Variants in TRABD2B observed in about 807,000 individuals in gnomAD.
TRABD2B encodes TraB domain containing 2B.
TRABD2B carries 14 observed loss-of-function variants against 40.1 expected under a neutral mutation model. The observed-to-expected ratio is 0.35, with a 90% CI of 0.23 to 0.55. TRABD2B has a LOEUF of 0.55. TRABD2B is among the 20% of genes least tolerant of loss of function. The pLI is 0.90. For missense variants in TRABD2B, 541 were observed against 648.6 expected (o/e 0.83, Z 1.80); for synonymous variants, 263 against 277.0 (o/e 0.95, Z 0.50).
intron 6 of TRABD2B, among the ~76,000 whole-genome samples, chr1:47,768,341 G>A (rs1224041347): frequency 1.3e-5 from 2 of 151,964 alleles, no homozygotes; most frequent in African/African-American, 4.8e-5. Flanking sequence ...GGGGGGGGAG[G>A]GCCAGGTGGC....
chr1:47,950,795 C>A (rs773941445), intron 2 of TRABD2B, among the ~76,000 whole-genome samples: 3 of 152,210 alleles, frequency 2.0e-5, no homozygotes, highest in African/African-American at 7.2e-5. Context: ...CAACACCTCC[C>A]TATGTGAACT....
intron 2 of TRABD2B, among the ~76,000 whole-genome samples, chr1:47,928,019 G>A (rs917264011): frequency 9.2e-5 from 14 of 152,274 alleles, no homozygotes; most frequent in Admixed American, 5.2e-4. Context: ...CCCTACACTA[G>A]AACTTCTGAA....
chr1:47,989,082 A>G (rs1645963235), intron 2 of TRABD2B, among the ~76,000 whole-genome samples: 1 of 152,188 alleles, frequency 6.6e-6, no homozygotes, highest in Non-Finnish European at 1.5e-5. Flanking sequence ...ATGTAAATAC[A>G]CAGAAGGCAT....
Position 47,903,424 on chromosome 1 carries a change from G to C in TRABD2B, c.666+90610C>G, listed in dbSNP as rs1034272299. On this transcript the variant is annotated intron_variant, in intron 2 of 6. Coordinates refer to ENST00000606738, the MANE Select transcript of TRABD2B (RefSeq NM_001194986.2). Reference sequence around the variant, plus strand: ...TGTGAAGATCTCGCTGTGACATAGTGCATAAGAAAAACGGTTGGGAATCAT... The same window carrying C: ...TGTGAAGATCTCGCTGTGACATAGTCCATAAGAAAAACGGTTGGGAATCAT... 2.8e-5 allele frequency among the ~76,000 whole-genome samples: 4 copies of C among 143,972 alleles called. 1 individual carries two copies. Among genetic ancestry groups the C allele is most frequent in the African/African-American group, 1.0e-4 (4 of 38,682 alleles). The allele number at this position is 143,972 out of a possible 152,430, so 94.5% of individuals were successfully genotyped here. A position where few individuals can be genotyped will look rare whatever the true frequency, so the allele number is the denominator to read the frequency against.
chr1:47,867,616 G>A (rs192925043), intron 2 of TRABD2B, among the ~76,000 whole-genome samples: 87 of 152,270 alleles, frequency 5.7e-4, no homozygotes, highest in African/African-American at 2.0e-3. Flanking sequence ...CAGCTCCAGA[G>A]TAACTTTCTT....
chr1:47,808,736 A>C (rs1644924291), intron 2 of TRABD2B, among the ~76,000 whole-genome samples: 4 of 152,210 alleles, frequency 2.6e-5, no homozygotes. Context: ...CTAACGAGTT[A>C]GGATTCAAAC....
At chr1:47,766,716 G>A (rs1024219552) in intron 6 of TRABD2B, among the ~76,000 whole-genome samples, 1 of 152,214 alleles carries the variant, frequency 6.6e-6, no homozygotes, top group Non-Finnish European at 1.5e-5. Context: ...CTGGCGGGGA[G>A]GCTACCTGGT....
At position 47,860,781 on chromosome 1, in the gene TRABD2B, G is replaced by A. The variant is rs1643955654; in HGVS notation, c.667-59162C>T. ...TAATGAGTTCTTGCTCTCATGGGTT[G>A]TTATAATGCAAGGTTCCTCCTCCCA... On this transcript the variant is annotated intron_variant, in intron 2 of 6. Coordinates refer to ENST00000606738, the MANE Select transcript of TRABD2B (RefSeq NM_001194986.2). Among the ~76,000 whole-genome samples the A allele has an allele frequency of 1.3e-5, 2 of 152,144 alleles. 1 individual carries two copies. Among genetic ancestry groups the A allele is most frequent in the South Asian group, 4.1e-4 (2 of 4,828 alleles).
chr1:47,837,328 C>T (rs558485962), intron 2 of TRABD2B, among the ~76,000 whole-genome samples: 4 of 152,208 alleles, frequency 2.6e-5, no homozygotes, highest in South Asian at 2.1e-4. Context: ...TTGTTAAGAA[C>T]GGGTTCTTGG....
chr1:47,810,470 T>C (rs1224055793), intron 2 of TRABD2B, among the ~76,000 whole-genome samples: 1 of 152,046 alleles, frequency 6.6e-6, no homozygotes, highest in Non-Finnish European at 1.5e-5. Flanking sequence ...GCCACGTGGG[T>C]ATCTGAGAGA....
rs189316995 is a variant in TRABD2B, at chr1:47,874,951, C to T, written c.667-73332G>A. Reference sequence around the variant, plus strand: ...AGAAGTGGTTATTCTTGTCTCCTCACTCACTGCTTCTGAACCCAGGAGCTC... The same window carrying T: ...AGAAGTGGTTATTCTTGTCTCCTCATTCACTGCTTCTGAACCCAGGAGCTC... On this transcript the variant is annotated intron_variant, in intron 2 of 6. Transcript: ENST00000606738. 4.0e-3 allele frequency among the ~76,000 whole-genome samples: 606 copies of T among 152,198 alleles called. 2 individuals carry two copies. The highest frequency in any genetic ancestry group is 0.01 in the Middle Eastern group (3 of 294).
intron 2 of TRABD2B, among the ~76,000 whole-genome samples, chr1:47,806,998 A>C (rs1414739527): frequency 6.6e-6 from 1 of 152,242 alleles, no homozygotes; most frequent in African/African-American, 2.4e-5. Context: ...CCTGAGCACC[A>C]GGCATTGTTC....
intron 2 of TRABD2B, among the ~76,000 whole-genome samples, chr1:47,830,378 C>T (rs1645232878): frequency 6.6e-6 from 1 of 152,248 alleles, no homozygotes; most frequent in Non-Finnish European, 1.5e-5. Flanking sequence ...ATGCACCAGG[C>T]ATTTGCTACC....
chr1:47,835,301 T>C (rs182579908), intron 2 of TRABD2B, among the ~76,000 whole-genome samples: 18 of 152,142 alleles, frequency 1.2e-4, no homozygotes, highest in African/African-American at 4.1e-4. Flanking sequence ...CACCATCAAG[T>C]GTACCAACAT....
intron 2 of TRABD2B, among the ~76,000 whole-genome samples, chr1:47,820,807 C>G (rs1645098170): frequency 6.6e-6 from 1 of 151,976 alleles, no homozygotes; most frequent in Non-Finnish European, 1.5e-5. Flanking sequence ...CACACACACA[C>G]ACACACACAC....
At chr1:47,863,394 A>ATATATATATATATATAT (rs1396681662) in intron 2 of TRABD2B, among the ~76,000 whole-genome samples, 92 of 130,588 alleles carry the variant, frequency 7.0e-4, no homozygotes, top group Non-Finnish European at 8.7e-4. Context: ...ATATATATAT[A>ATATATATATATATATAT]ATCTCTTAAA....
intron 2 of TRABD2B, among the ~76,000 whole-genome samples, chr1:47,903,254 C>T (rs536397222): frequency 6.6e-6 from 1 of 152,270 alleles, no homozygotes; most frequent in East Asian, 1.9e-4. Flanking sequence ...TATACACCCT[C>T]TCCACCTGCA....
intron 2 of TRABD2B, among the ~76,000 whole-genome samples, chr1:47,990,892 T>G (rs1646001515): frequency 7.0e-6 from 1 of 143,004 alleles, no homozygotes; most frequent in African/African-American, 2.6e-5. Context: ...GTCTCCTATC[T>G]CCAGCCCACT....
At chr1:47,926,080 A>T (rs770768946) in intron 2 of TRABD2B, among the ~76,000 whole-genome samples, 1 of 152,236 alleles carries the variant, frequency 6.6e-6, no homozygotes, top group Non-Finnish European at 1.5e-5. Flanking sequence ...TGACTTTTAC[A>T]TGTGGACACA....
Sources: gnomAD v4.1 joint callset for allele counts (sites outside exome capture counted in the v4.1 genomes callset) on GRCh38, gnomAD v4.1.1 for gene constraint, MANE v1.5 for transcripts, NCBI Gene and HGNC (gene_info 2026-07-23, HGNC 2026-07-21) for gene names.